RIOX2: variants seen among roughly 807,000 people sequenced by gnomAD.
RIOX2 encodes 60S ribosomal protein L27a histidine hydroxylase.
RIOX2 carries 43 observed loss-of-function variants against 51.2 expected under a neutral mutation model. The observed-to-expected ratio is 0.84, with a 90% CI of 0.66 to 1.08. The LOEUF (loss-of-function observed/expected upper bound fraction) is 1.08. RIOX2 is among the 50% of genes least tolerant of loss of function. The probability of loss-of-function intolerance (pLI) is 0.00; values close to 1 mark genes in which losing one functional copy is unlikely to be tolerated. For missense variants in RIOX2, 566 were observed against 561.7 expected (o/e 1.01, Z -0.08); for synonymous variants, 226 against 218.5 (o/e 1.03, Z -0.30).
chr3:97,965,225 A>T (rs1312126736), intron 2 of RIOX2, among the ~76,000 whole-genome samples: 1 of 151,008 alleles, frequency 6.6e-6, no homozygotes, highest in African/African-American at 2.4e-5. Context: ...AAAAAAAAAA[A>T]AAAAGGCCCA....
chr3:97,945,940 G>A, intron 8 of RIOX2, 53 bp from the exon 9 acceptor site: 7 of 1,305,202 alleles, frequency 5.4e-6, no homozygotes, highest in Non-Finnish European at 7.7e-6. Flanking sequence ...CACTGAAGGT[G>A]TCAGTACTAG....
rs374232401 is a variant in RIOX2, at chr3:97,949,804, A to T, written c.1060+40T>A. Reference sequence around the variant, plus strand: ...CCCAGAAAAACCGTAAACATCCTGCATTAGCCTCTGACCACCCAGAAGAAA... The same window carrying T: ...CCCAGAAAAACCGTAAACATCCTGCTTTAGCCTCTGACCACCCAGAAGAAA... On this transcript the variant is annotated intron_variant, in intron 7 of 9. Transcript: ENST00000394198. The T allele has an allele frequency of 2.6e-5, 42 of 1,593,268 alleles. 1 individual carries two copies. Among genetic ancestry groups the T allele is most frequent in the Middle Eastern group, 1.9e-4 (1 of 5,152 alleles).
chr3:97,961,538 C>CTCTCAACAACTCATTCT (rs1559762475), intron 3 of RIOX2, 51 bp downstream of exon 3: 5 of 1,548,994 alleles, frequency 3.2e-6, no homozygotes, highest in Non-Finnish European at 3.5e-6. Flanking sequence ...CTAAACCAGG[C>CTCTCAACAACTCATTCT]TCTCAACAAC....
rs1374797351 is a variant in RIOX2 at position 97,945,047 on chromosome 3, C to G, written c.*137G>C. ...TTAGTACATTTGGCCAACTGACCAC[C>G]TGTAACAGGGAGGTCTCATGTTTGT... On this transcript the variant is annotated 3_prime_UTR_variant, in exon 10 of 10. Coordinates refer to ENST00000394198, the MANE Select transcript of RIOX2 (RefSeq NM_153182.4). The G allele has an allele frequency of 8.8e-6, 6 of 683,786 alleles. No individual in the cohort carries two copies. The highest frequency in any genetic ancestry group is 1.4e-5 in the Non-Finnish European group (6 of 434,700). The allele number at this position is 683,786 out of a possible 1,614,324, so 42.4% of individuals were successfully genotyped here.
Position 97,945,129 on chromosome 3 carries a change from G to A in RIOX2, c.*55C>T. ...CATCCTCTCCTCGGCTCAGGTCTTT[G>A]CTTTTCTTTTAATATATGCATATAA... On this transcript the variant is annotated 3_prime_UTR_variant, in exon 10 of 10. Coordinates refer to ENST00000394198, the MANE Select transcript of RIOX2 (RefSeq NM_153182.4). 2 of 1,490,364 alleles carry A rather than the reference G, an allele frequency of 1.3e-6. No individual in the cohort carries two copies. Among genetic ancestry groups the A allele is most frequent in the East Asian group, 4.7e-5 (2 of 42,624 alleles). The allele number at this position is 1,490,364 out of a possible 1,614,324, so 92.3% of individuals were successfully genotyped here. A position where few individuals can be genotyped will look rare whatever the true frequency, so the allele number is the denominator to read the frequency against.
intron 4 of RIOX2, among the ~76,000 whole-genome samples, chr3:97,958,256 G>A (rs181951859): frequency 3.4e-4 from 52 of 152,232 alleles, no homozygotes; most frequent in African/African-American, 1.2e-3. Flanking sequence ...GTGTCAGGTT[G>A]GTAGAATCTT....
intron 2 of RIOX2, among the ~76,000 whole-genome samples, chr3:97,962,294 A>C (rs1366457432): frequency 6.6e-6 from 1 of 151,994 alleles, no homozygotes; most frequent in Non-Finnish European, 1.5e-5. Flanking sequence ...CTTACTAAAA[A>C]ACAAGTTTTC....
chr3:97,964,654 G>A (rs1474166106), intron 2 of RIOX2, among the ~76,000 whole-genome samples: 5 of 131,772 alleles, frequency 3.8e-5, no homozygotes, highest in South Asian at 4.9e-4. Flanking sequence ...CCGAGATTGC[G>A]TCACTGCACT....
chr3:97,950,829 TC>T lies in RIOX2; in HGVS notation c.844del (p.Glu282LysfsTer27), dbSNP rs1705217331. 3.7e-6 allele frequency: 6 copies of T among 1,613,654 alleles called. No homozygotes were observed. The highest frequency in any genetic ancestry group is 1.3e-5 in the African/African-American group (1 of 74,854). The part of the protein sequence containing the change: ...ISGLVFDTAK[E>X]DVELRTGIPR... ...TATGCCGGTCCGTAACTCCACGTCTTCCTTTGCAGTATCAAATACAAGCCCC... is the reference window on the plus strand; with the variant it reads ...TATGCCGGTCCGTAACTCCACGTCTTCTTTGCAGTATCAAATACAAGCCCC... On this transcript the variant is annotated frameshift_variant, in exon 6 of 10. Transcript: ENST00000394198. LOFTEE classifies it high-confidence loss of function.
At position 97,945,053 on chromosome 3, in the gene RIOX2, C is replaced by T; in HGVS notation, c.*131G>A. The T allele has an allele frequency of 1.4e-6, 1 of 728,836 alleles. No homozygotes were observed. The highest frequency in any genetic ancestry group is 2.1e-6 in the Non-Finnish European group (1 of 472,242). 45.1% of individuals were successfully genotyped at this position (728,836 alleles called of 1,614,324 possible). A position where few individuals can be genotyped will look rare whatever the true frequency, so the allele number is the denominator to read the frequency against. ...CATTTGGCCAACTGACCACCTGTAA[C>T]AGGGAGGTCTCATGTTTGTTAGTAG... On this transcript the variant is annotated 3_prime_UTR_variant, in exon 10 of 10. Transcript: ENST00000394198.
intron 5 of RIOX2, chr3:97,952,124 G>T: frequency 8.3e-7 from 1 of 1,205,222 alleles, no homozygotes. Context: ...ACCTTGACAG[G>T]TGTTAGGAAG....
chr3:97,967,215 C>T lies in RIOX2; in HGVS notation c.379G>A (p.Asp127Asn). 6.2e-7 allele frequency: 1 copy of T among 1,614,182 alleles called. No individual in the cohort carries two copies. The highest frequency in any genetic ancestry group is 8.5e-7 in the Non-Finnish European group (1 of 1,180,030). The change falls in exon 2 of 10, where the codon GAT becomes AAT. Residue 127 changes from aspartate (D) to asparagine (N), a missense_variant. Transcript: ENST00000394198. ...GKAHFLQLRKDFDQKRATIQF... is the reference protein window; with the variant it reads ...GKAHFLQLRKNFDQKRATIQF... ...ATCGTTGCCCTTTTCTGATCAAAATCTTTTCTCAGCTGAAGAAAGTGTGCT... is the reference window on the plus strand; with the variant it reads ...ATCGTTGCCCTTTTCTGATCAAAATTTTTTCTCAGCTGAAGAAAGTGTGCT...
intron 7 of RIOX2, among the ~76,000 whole-genome samples, chr3:97,948,679 C>T (rs1705108733): frequency 6.6e-6 from 1 of 152,172 alleles, no homozygotes; most frequent in African/African-American, 2.4e-5. Flanking sequence ...CATAGAATCC[C>T]TTCCATTTCC....
chr3:97,971,714 C>T (rs1260469466), intron 1 of RIOX2: 1 of 152,182 alleles, frequency 6.6e-6, no homozygotes, highest in Non-Finnish European at 1.5e-5. Flanking sequence ...TGACATGAAA[C>T]CCGAGGCACC....
chr3:97,971,996 G>A (rs1323916571), intron 1 of RIOX2: 1 of 152,248 alleles, frequency 6.6e-6, no homozygotes, highest in Non-Finnish European at 1.5e-5. Flanking sequence ...TGGAAGCCGT[G>A]CTCGCACAGG....
chr3:97,971,681 C>T (rs958243823), intron 1 of RIOX2: 1 of 152,164 alleles, frequency 6.6e-6, no homozygotes, highest in Non-Finnish European at 1.5e-5. Context: ...AAATCAGGTT[C>T]CTCTGCTCAA....
rs2040294874 is a variant in RIOX2, at chr3:97,944,065, G to A, written c.*1119C>T. 6.6e-6 allele frequency: 1 copy of A among 150,972 alleles called. No homozygotes were observed. The highest frequency in any genetic ancestry group is 2.1e-4 in the South Asian group (1 of 4,788). 9.4% of individuals were successfully genotyped at this position (150,972 alleles called of 1,614,324 possible). On this transcript the variant is annotated 3_prime_UTR_variant, in exon 10 of 10. Coordinates refer to ENST00000394198, the MANE Select transcript of RIOX2 (RefSeq NM_153182.4). ...CAAGACTCTATAACAGTGGTTACCT[G>A]TCTCCATGTTGACACTTCATCCTAG...
chr3:97,952,551 G>A lies in RIOX2; in HGVS notation c.786-1663C>T, dbSNP rs73851097. Among the ~76,000 whole-genome samples, 1,059 of 152,196 alleles carry A rather than the reference G, an allele frequency of 7.0e-3. 9 individuals are homozygous for A. Among genetic ancestry groups the A allele is most frequent in the African/African-American group, 0.023 (974 of 41,516 alleles). ...AACAGAAGCTGAAGAAGGAACAGAA[G>A]GGAGAAAACACCAGTCACTAGAAAA... On this transcript the variant is annotated intron_variant, in intron 5 of 9. Coordinates refer to ENST00000394198, the MANE Select transcript of RIOX2 (RefSeq NM_153182.4).
Position 97,942,526 on chromosome 3 carries a change from CTTATGTATAAGAGAAATGTTAAGTCAT to C in RIOX2, c.*2631_*2657del. The stretch of plus-strand genomic sequence containing the variant: ...CTCCTCATTTTGGGTAAAGGACATC[CTTATGTATAAGAGAAATGTTAAGTCAT>C]TTAAAATTATGCTTGAAGAAAATTA... On this transcript the variant is annotated 3_prime_UTR_variant, in exon 10 of 10. Coordinates refer to ENST00000394198, the MANE Select transcript of RIOX2 (RefSeq NM_153182.4). 1 of 1,215,260 alleles carries C rather than the reference CTTATGTATAAGAGAAATGTTAAGTCAT, an allele frequency of 8.2e-7. No individual in the cohort carries two copies. The highest frequency in any genetic ancestry group is 1.1e-6 in the Non-Finnish European group (1 of 883,890). The allele number at this position is 1,215,260 out of a possible 1,614,324, so 75.3% of individuals were successfully genotyped here.
Sources: allele counts gnomAD v4.1 joint callset (sites outside exome capture counted in the v4.1 genomes callset), GRCh38; gene constraint gnomAD v4.1.1; transcripts MANE v1.5; gene names NCBI Gene and HGNC (gene_info 2026-07-23, HGNC 2026-07-21).